SECISBP2L: variants seen among roughly 807,000 people sequenced by gnomAD.
The protein encoded by SECISBP2L is SECIS binding protein 2 like.
A neutral mutation model predicts 114.7 loss-of-function variants in SECISBP2L; 43 were observed. The observed-to-expected ratio is 0.38, with a 90% confidence interval of 0.29 to 0.48. The LOEUF is 0.48. SECISBP2L is among the 20% of genes least tolerant of loss of function. The pLI, the probability that SECISBP2L is intolerant of heterozygous loss-of-function variation, is 0.98. For synonymous variants in SECISBP2L, 451 were observed against 439.7 expected, an observed-to-expected ratio of 1.03 and a Z score of -0.32; for missense variants, 1,136 against 1,301.1, an observed-to-expected ratio of 0.87 and a Z score of 1.95.
chr15:49,037,425 G>T lies in SECISBP2L; in HGVS notation c.203+166C>A, dbSNP rs1317723077. The T allele has an allele frequency of 1.3e-5, 7 of 553,148 alleles. No homozygotes were observed. In the Admixed American group the frequency reaches 2.2e-4, roughly 17 times the overall value. The allele number at this position is 553,148 out of a possible 1,614,324, so 34.3% of individuals were successfully genotyped here. A position where few individuals can be genotyped will look rare whatever the true frequency, so the allele number is the denominator to read the frequency against. ...TTCAATTTTCTCTTAGAAAAAATGAGAAACTAATCCATATCAACAATTTCC... is the reference window on the plus strand; with the variant it reads ...TTCAATTTTCTCTTAGAAAAAATGATAAACTAATCCATATCAACAATTTCC... On this transcript the variant is annotated intron_variant, in intron 2 of 17. Coordinates refer to ENST00000559471, the MANE Select transcript of SECISBP2L (RefSeq NM_001193489.2).
chr15:49,001,179 A>G lies in SECISBP2L; in HGVS notation c.2028-82T>C, dbSNP rs1595782649. The G allele has an allele frequency of 4.8e-6, 4 of 836,652 alleles. No homozygotes were observed. The East Asian group carries it at 8.0e-5, about 17-fold the overall frequency. The allele number at this position is 836,652 out of a possible 1,614,324, so 51.8% of individuals were successfully genotyped here. A position where few individuals can be genotyped will look rare whatever the true frequency, so the allele number is the denominator to read the frequency against. On this transcript the variant is annotated intron_variant, in intron 14 of 17. Transcript: ENST00000559471. Reference sequence around the variant, plus strand: ...AAAACTGCATTAAGAAAATATCTCTAAGAGAAAATATATATGGTAAGAAGT... The same window carrying G: ...AAAACTGCATTAAGAAAATATCTCTGAGAGAAAATATATATGGTAAGAAGT...
Position 49,017,588 on chromosome 15 carries a change from G to A in SECISBP2L, c.1211C>T (p.Ala404Val), listed in dbSNP as rs748888514. 1 of 1,607,704 alleles carries A rather than the reference G, an allele frequency of 6.2e-7. No homozygotes were observed. The highest frequency in any genetic ancestry group is 1.1e-5 in the South Asian group (1 of 89,816). ...GFQELNENGN[A>V]KDENIQQKLS... The stretch of plus-strand genomic sequence containing the variant: ...TTTTTGTTGAATATTCTCATCCTTA[G>A]CATTTCCATTCTCATTTAGTTCTTG... The change falls in exon 9 of 18, where the codon GCT (alanine) becomes GTT (valine). Residue 404 changes from alanine (A) to valine (V), a missense_variant. By Grantham distance (64) the Ala-to-Val change is moderately conservative (BLOSUM62 0). Coordinates refer to ENST00000559471, the MANE Select transcript of SECISBP2L (RefSeq NM_001193489.2).
intron 14 of SECISBP2L, among the ~76,000 whole-genome samples, chr15:49,003,411 C>G (rs891400989): frequency 2.6e-5 from 4 of 152,200 alleles, no homozygotes; most frequent in Non-Finnish European, 4.4e-5. Flanking sequence ...TCCTCTCTTT[C>G]TATTTGAATA....
At chr15:49,032,867 G>A in intron 4 of SECISBP2L, 98 bp downstream of exon 4, 1 of 1,426,734 alleles carries the variant, frequency 7.0e-7, no homozygotes, top group Non-Finnish European at 9.5e-7. Flanking sequence ...AAGGATGAAA[G>A]TCTACAATTC....
chr15:48,998,923 A>T (rs1206763798), intron 16 of SECISBP2L, among the ~76,000 whole-genome samples: 2 of 152,244 alleles, frequency 1.3e-5, no homozygotes, highest in Non-Finnish European at 1.5e-5. Flanking sequence ...TACTCAAGTA[A>T]TGTGAAAGGT....
At position 49,012,834 on chromosome 15, in the gene SECISBP2L, A is replaced by T. The variant is rs1449530498; in HGVS notation, c.1562-17T>A. ...CAGTAACCACTAAAAACAAAGAGGA[A>T]CATTAGTTTCACCATTAGGGCCAAT... On this transcript the variant is annotated splice_polypyrimidine_tract_variant and intron_variant, in intron 11 of 17. Coordinates refer to ENST00000559471, the MANE Select transcript of SECISBP2L (RefSeq NM_001193489.2). 1.3e-6 allele frequency: 2 copies of T among 1,597,328 alleles called. No individual in the cohort carries two copies. The highest frequency in any genetic ancestry group is 1.7e-6 in the Non-Finnish European group (2 of 1,175,372).
chr15:49,034,288 C>A (rs1394410189), intron 3 of SECISBP2L, among the ~76,000 whole-genome samples: 1 of 152,104 alleles, frequency 6.6e-6, no homozygotes, highest in African/African-American at 2.4e-5. Context: ...CTCAAAAGTG[C>A]CAACTAGAAA....
At chr15:49,039,048 CA>C (rs1354238511) in intron 1 of SECISBP2L, among the ~76,000 whole-genome samples, 16 of 152,076 alleles carry the variant, frequency 1.1e-4, no homozygotes, top group Admixed American at 8.5e-4. Context: ...CTAAAAAGTT[CA>C]CTGTAAATAT....
rs1443212420 is a variant in SECISBP2L at position 48,991,412 on chromosome 15, T to A, written c.*832A>T. 2.0e-5 allele frequency: 3 copies of A among 152,658 alleles called. No individual in the cohort carries two copies. Among genetic ancestry groups the A allele is most frequent in the Non-Finnish European group, 4.4e-5 (3 of 68,034 alleles). 9.5% of individuals were successfully genotyped at this position (152,658 alleles called of 1,614,324 possible). On this transcript the variant is annotated 3_prime_UTR_variant, in exon 18 of 18. Coordinates refer to ENST00000559471, the MANE Select transcript of SECISBP2L (RefSeq NM_001193489.2). ...TATAAGACTCTGTTTCTGAAGAGTT[T>A]ACATGTAAGTGCAGCAGTCATACAA...
In SECISBP2L at chr15:48,992,269, G is replaced by C. The variant is rs377064950; in HGVS notation, c.3281C>G (p.Ser1094Cys). 1 of 1,609,522 alleles carries C rather than the reference G, an allele frequency of 6.2e-7. No homozygotes were observed. Among genetic ancestry groups the C allele is most frequent in the Admixed American group, 1.7e-5 (1 of 58,852 alleles). Reference protein sequence around the residue: ...CSSLNKEHSDSNYTTQTT With the variant: ...CSSLNKEHSDCNYTTQTT ...TTACGTAGTTTGCGTTGTGTAATTA[G>C]AATCAGAGTGCTCTTTGTTGAGCGA... The change falls in exon 18 of 18, where the codon TCT becomes TGT. Residue 1094 changes from serine to cysteine, a missense_variant. Ser to Cys is a moderately radical substitution (Grantham distance 112). Transcript: ENST00000559471.
chr15:49,032,877 C>T lies in SECISBP2L; in HGVS notation c.664+88G>A. ...AATGAAAGGATGAAAGTCTACAATT[C>T]TGACAAGTGGTTCAGACCACAATTA... On this transcript the variant is annotated intron_variant, in intron 4 of 17. Coordinates refer to ENST00000559471, the MANE Select transcript of SECISBP2L (RefSeq NM_001193489.2). 1.5e-5 allele frequency: 22 copies of T among 1,490,814 alleles called. 1 individual carries two copies. In the South Asian group the frequency reaches 2.9e-4, roughly 19 times the overall value. 92.3% of individuals were successfully genotyped at this position (1,490,814 alleles called of 1,614,324 possible). A position where few individuals can be genotyped will look rare whatever the true frequency, so the allele number is the denominator to read the frequency against.
chr15:49,017,898 G>T, intron 8 of SECISBP2L: 1 of 267,844 alleles, frequency 3.7e-6, no homozygotes, highest in Non-Finnish European at 6.9e-6. Context: ...CCTTCAGATG[G>T]GTGGGTAATT....
At chr15:49,031,385 C>A (rs1902886830) in intron 4 of SECISBP2L, among the ~76,000 whole-genome samples, 1 of 152,090 alleles carries the variant, frequency 6.6e-6, no homozygotes, top group Non-Finnish European at 1.5e-5. Flanking sequence ...TCCCATATGT[C>A]TTCTCTAAGA....
intron 17 of SECISBP2L, among the ~76,000 whole-genome samples, chr15:48,993,546 A>G (rs1276146959): frequency 1.3e-5 from 2 of 152,164 alleles, no homozygotes; most frequent in African/African-American, 2.4e-5. Context: ...CAGCAATAAT[A>G]GTTCTGATTC....
At chr15:49,029,740 TAGAC>T (rs1199696777) in intron 4 of SECISBP2L, among the ~76,000 whole-genome samples, 1 of 152,192 alleles carries the variant, frequency 6.6e-6, no homozygotes, top group Non-Finnish European at 1.5e-5. Flanking sequence ...AGGTACTTAA[TAGAC>T]AGTTATACTC....
chr15:49,032,997 A>AT lies in SECISBP2L; in HGVS notation c.631dup (p.Ile211AsnfsTer12). 6.2e-7 allele frequency: 1 copy of AT among 1,614,044 alleles called. No homozygotes were observed. Among genetic ancestry groups the AT allele is most frequent in the Non-Finnish European group, 8.5e-7 (1 of 1,179,964 alleles). On this transcript the variant is annotated frameshift_variant, in exon 4 of 18. Coordinates refer to ENST00000559471, the MANE Select transcript of SECISBP2L (RefSeq NM_001193489.2). LOFTEE classifies it high-confidence loss of function. ...CTGTGAAGCATCTACCAGAAGCACAATTTTTGATCGACTATCAGGACCTGC... is the reference window on the plus strand; with the variant it reads ...CTGTGAAGCATCTACCAGAAGCACAATTTTTTGATCGACTATCAGGACCTGC...
At chr15:49,031,587 G>T (rs1380979811) in intron 4 of SECISBP2L, among the ~76,000 whole-genome samples, 1 of 152,020 alleles carries the variant, frequency 6.6e-6, no homozygotes, top group Non-Finnish European at 1.5e-5. Context: ...CATTCCTAAT[G>T]AACTATAATA....
chr15:49,001,420 T>C (rs553078950), intron 14 of SECISBP2L, among the ~76,000 whole-genome samples: 2 of 152,150 alleles, frequency 1.3e-5, no homozygotes, highest in South Asian at 2.1e-4. Context: ...AAATATCTGA[T>C]AAATTAACAA....
At position 49,013,543 on chromosome 15, in the gene SECISBP2L, C is replaced by T. The variant is rs185154673; in HGVS notation, c.1562-726G>A. ...ATCTCTTGACCTTGTGATCCGCCCA[C>T]GCTGGCCTCCCAAAGTGCTGGGATT... On this transcript the variant is annotated intron_variant, in intron 11 of 17. Coordinates refer to ENST00000559471, the MANE Select transcript of SECISBP2L (RefSeq NM_001193489.2). Among the ~76,000 whole-genome samples the T allele has an allele frequency of 3.9e-4, 60 of 152,314 alleles. No homozygotes were observed. In the East Asian group the frequency reaches 7.5e-3, roughly 19 times the overall value.
Sources: allele counts gnomAD v4.1 joint callset (sites outside exome capture counted in the v4.1 genomes callset), GRCh38; gene constraint gnomAD v4.1.1; transcripts MANE v1.5; gene names NCBI Gene and HGNC (gene_info 2026-07-23, HGNC 2026-07-21).